Variants in SYNE2 observed in about 807,000 individuals in gnomAD.
SYNE2 encodes the protein spectrin repeat containing nuclear envelope protein 2, also known as nesprin-2.
A neutral mutation model predicts 856.3 loss-of-function variants in SYNE2; 431 were observed. That is an observed-to-expected ratio of 0.50 (90% CI 0.47 to 0.55). The LOEUF (loss-of-function observed/expected upper bound fraction) is 0.55. Ranked by LOEUF, SYNE2 falls within the 20% of genes least tolerant of loss-of-function variation. The pLI, the probability that SYNE2 is intolerant of heterozygous loss-of-function variation, is 0.00. For synonymous variants in SYNE2, 2,923 were observed against 2,872.3 expected (o/e 1.02, Z -0.56); for missense variants, 8,129 against 8,023.2 (o/e 1.01, Z -0.50).
intron 25 of SYNE2, among the ~76,000 whole-genome samples, chr14:63,997,676 T>C (rs187886902): frequency 3.5e-4 from 54 of 152,326 alleles, no homozygotes; most frequent in African/African-American, 1.1e-3. Flanking sequence ...TATATTGTTA[T>C]TGAGGGTAGA....
intron 1 of SYNE2, among the ~76,000 whole-genome samples, chr14:63,895,263 C>G (rs1162163888): frequency 6.6e-6 from 1 of 151,628 alleles, no homozygotes; most frequent in Non-Finnish European, 1.5e-5. Flanking sequence ...CGCCACCACC[C>G]CTGGCTAATT....
intron 89 of SYNE2, 72 bp downstream of exon 89, chr14:64,163,653 T>C (rs780934926): frequency 2.5e-5 from 40 of 1,579,744 alleles, no homozygotes; most frequent in Non-Finnish European, 3.5e-5. Flanking sequence ...TTGTATCCTT[T>C]GAAGCAGTAG....
intron 23 of SYNE2, among the ~76,000 whole-genome samples, chr14:63,995,737 C>CTATCTATCTATA (rs2096708721): frequency 1.9e-5 from 1 of 53,028 alleles, no homozygotes. Flanking sequence ...ATCCATCTAT[C>CTATCTATCTATA]TATCTATCTA....
chr14:63,837,087 T>C (rs187247064), intron 1 of SYNE2, among the ~76,000 whole-genome samples: 3 of 152,296 alleles, frequency 2.0e-5, no homozygotes, highest in Admixed American at 6.5e-5. Flanking sequence ...CTCTTAAGGA[T>C]GCAGGAAATT....
At chr14:63,844,100 T>C (rs1187963390) in intron 1 of SYNE2, among the ~76,000 whole-genome samples, 1 of 152,238 alleles carries the variant, frequency 6.6e-6, no homozygotes. Context: ...TTTTGACAAA[T>C]GTATGATGAC....
chr14:64,076,150 A>G (rs1174867563), intron 54 of SYNE2, 50 bp downstream of exon 54: 2 of 1,593,300 alleles, frequency 1.3e-6, no homozygotes, highest in Non-Finnish European at 1.7e-6. Context: ...CTGAATGACT[A>G]TCAGGAGGAA....
intron 17 of SYNE2, among the ~76,000 whole-genome samples, chr14:63,983,129 A>G (rs972345445): frequency 1.3e-5 from 2 of 152,222 alleles, no homozygotes; most frequent in Admixed American, 1.3e-4. Flanking sequence ...TTTAAGGTTC[A>G]TCTGTATTAT....
At chr14:64,194,168 G>A (rs540330177) in intron 99 of SYNE2, among the ~76,000 whole-genome samples, 1 of 152,332 alleles carries the variant, frequency 6.6e-6, no homozygotes, top group Non-Finnish European at 1.5e-5. Context: ...TTTGGTGATT[G>A]TAACTATGTA....
intron 80 of SYNE2, 119 bp from the exon 81 acceptor site, chr14:64,141,222 G>A: frequency 2.6e-6 from 2 of 755,120 alleles, no homozygotes; most frequent in Non-Finnish European, 4.3e-6. Flanking sequence ...GTGTGTGTGT[G>A]TGTGTATACA....
intron 96 of SYNE2, among the ~76,000 whole-genome samples, chr14:64,183,459 A>G (rs1028156767): frequency 4.7e-5 from 7 of 148,984 alleles, no homozygotes; most frequent in Non-Finnish European, 8.9e-5. Flanking sequence ...GGGGCTCCTC[A>G]CATCCCAGAC....
chr14:64,001,904 C>A, intron 28 of SYNE2, 30 bp from the exon 29 acceptor site: 1 of 1,613,474 alleles, frequency 6.2e-7, no homozygotes, highest in Non-Finnish European at 8.5e-7. Flanking sequence ...GCTGTGTTTT[C>A]CCCTCATGTC....
intron 1 of SYNE2, among the ~76,000 whole-genome samples, chr14:63,793,256 C>G (rs988836566): frequency 1.3e-5 from 2 of 152,126 alleles, no homozygotes; most frequent in African/African-American, 4.8e-5. Flanking sequence ...AAAACAAATT[C>G]ATCTTTATGT....
chr14:64,164,867 TG>T (rs1426954596), intron 89 of SYNE2, among the ~76,000 whole-genome samples: 2 of 141,654 alleles, frequency 1.4e-5, no homozygotes, highest in African/African-American at 2.7e-5. Flanking sequence ...TTTTATTTTT[TG>T]TTTTTTTTTG....
At chr14:64,009,849 C>A in intron 31 of SYNE2, 117 bp from the exon 32 acceptor site, 1 of 870,578 alleles carries the variant, frequency 1.1e-6, no homozygotes. Context: ...TTAAGAACCA[C>A]ATCAAGAGGA....
In SYNE2 at chr14:64,163,574, A is replaced by C. The variant is rs1294499095; in HGVS notation, c.16472A>C (p.Glu5491Ala). ...LEKMLLVKAN[E>A]FEFVLSQFKD... ...AAGATGCTGCTTGTGAAAGCAAATGAATTTGAGGTTCATCTTTTCTTTCCA... is the reference window on the plus strand; with the variant it reads ...AAGATGCTGCTTGTGAAAGCAAATGCATTTGAGGTTCATCTTTTCTTTCCA... The change falls in exon 89 of 116, where the codon GAA becomes GCA. Residue 5491 changes from glutamate (E) to alanine (A), a missense_variant. Coordinates refer to ENST00000555002, the MANE Select transcript of SYNE2 (RefSeq NM_182914.3). The C allele has an allele frequency of 6.2e-7, 1 of 1,614,048 alleles. No homozygotes were observed. The highest frequency in any genetic ancestry group is 1.7e-5 in the Admixed American group (1 of 60,012).
intron 2 of SYNE2, among the ~76,000 whole-genome samples, chr14:63,923,406 T>C (rs1393195668): frequency 1.3e-5 from 2 of 152,268 alleles, no homozygotes; most frequent in African/African-American, 4.8e-5. Context: ...TCACTGATCT[T>C]ATGTCACATA....
Position 64,180,390 on chromosome 14 carries a change from T to C in SYNE2, c.17556+2907T>C, listed in dbSNP as rs116786940. Among the ~76,000 whole-genome samples the C allele has an allele frequency of 2.6e-3, 389 of 152,336 alleles. 1 individual carries two copies. Among genetic ancestry groups the C allele is most frequent in the African/African-American group, 8.9e-3 (370 of 41,576 alleles). ...TGATAAGAGTTTTAATTGAATTGCA[T>C]TGAATTTTAGATTAACTTGGATAAT... On this transcript the variant is annotated intron_variant, in intron 96 of 115. Coordinates refer to ENST00000555002, the MANE Select transcript of SYNE2 (RefSeq NM_182914.3).
At chr14:63,960,443 A>G (rs1566914775) in intron 8 of SYNE2, among the ~76,000 whole-genome samples, 1 of 152,190 alleles carries the variant, frequency 6.6e-6, no homozygotes, top group Non-Finnish European at 1.5e-5. Flanking sequence ...TAAGGCATCT[A>G]GCATCTACTA....
intron 1 of SYNE2, among the ~76,000 whole-genome samples, chr14:63,883,193 G>A (rs1235525405): frequency 6.6e-6 from 1 of 151,834 alleles, no homozygotes; most frequent in Non-Finnish European, 1.5e-5. Context: ...TGAGTAGCTG[G>A]GACTACAGGC....
Sources: allele counts gnomAD v4.1 joint callset (sites outside exome capture counted in the v4.1 genomes callset), GRCh38; gene constraint gnomAD v4.1.1; transcripts MANE v1.5; gene names NCBI Gene and HGNC (gene_info 2026-07-23, HGNC 2026-07-21).